The following PEBP4 variants were observed in gnomAD, a reference collection of about 807,000 sequenced individuals.
PEBP4 encodes the protein phosphatidylethanolamine-binding protein 4.
In PEBP4, 22 loss-of-function variants were observed where a neutral mutation model predicts 23.9. That is an observed-to-expected ratio of 0.92 (90% CI 0.66 to 1.31). The LOEUF (loss-of-function observed/expected upper bound fraction) is 1.31. Ranked by LOEUF, PEBP4 falls within the 40% of genes most tolerant of loss-of-function variation. The pLI is 0.00. For synonymous variants in PEBP4, 112 were observed against 99.3 expected (o/e 1.13, Z -0.76); for missense variants, 324 against 281.7 (o/e 1.15, Z -1.07).
At chr8:22,820,107 T>C (rs1806826391) in intron 3 of PEBP4, among the ~76,000 whole-genome samples, 1 of 152,122 alleles carries the variant, frequency 6.6e-6, no homozygotes, top group African/African-American at 2.4e-5. Context: ...TGCAAGATAA[T>C]TGGAAGGTGA....
intron 4 of PEBP4, among the ~76,000 whole-genome samples, chr8:22,771,706 C>T (rs1805720478): frequency 6.6e-6 from 1 of 152,150 alleles, no homozygotes; most frequent in South Asian, 2.1e-4. Context: ...AAGCTGCTTT[C>T]CATAAGACAT....
At chr8:22,761,021 G>C (rs981799059) in intron 4 of PEBP4, among the ~76,000 whole-genome samples, 1 of 152,160 alleles carries the variant, frequency 6.6e-6, no homozygotes, top group Non-Finnish European at 1.5e-5. Context: ...CAGAGGAAGC[G>C]AGCTCTAGGG....
chr8:22,854,851 C>T (rs1807607359), intron 3 of PEBP4, among the ~76,000 whole-genome samples: 1 of 152,000 alleles, frequency 6.6e-6, no homozygotes, highest in Admixed American at 6.6e-5. Context: ...TATTTGCTCC[C>T]TCCCCCTCCC....
chr8:22,794,502 C>T (rs1806203085), intron 4 of PEBP4, among the ~76,000 whole-genome samples: 1 of 152,188 alleles, frequency 6.6e-6, no homozygotes, highest in African/African-American at 2.4e-5. Flanking sequence ...CTACCCTGGT[C>T]TCGAATTCCT....
chr8:22,860,774 G>A (rs1208060489), intron 3 of PEBP4, among the ~76,000 whole-genome samples: 3 of 152,134 alleles, frequency 2.0e-5, no homozygotes, highest in Admixed American at 6.5e-5. Flanking sequence ...TAGGCAACAG[G>A]GACACAAGGA....
chr8:22,900,041 A>C (rs1808681208), intron 3 of PEBP4, among the ~76,000 whole-genome samples: 2 of 152,212 alleles, frequency 1.3e-5, no homozygotes, highest in Non-Finnish European at 2.9e-5. Context: ...ACCTCTGGCA[A>C]GAGCCTTATC....
At chr8:22,906,818 T>A (rs1808826348) in intron 3 of PEBP4, among the ~76,000 whole-genome samples, 1 of 152,230 alleles carries the variant, frequency 6.6e-6, no homozygotes. Context: ...AGACAAAGAT[T>A]CCTGCCCTCA....
intron 3 of PEBP4, among the ~76,000 whole-genome samples, chr8:22,882,317 C>T (rs1808276490): frequency 6.6e-6 from 1 of 152,244 alleles, no homozygotes; most frequent in Non-Finnish European, 1.5e-5. Context: ...GTCAACAGCA[C>T]CAGTGACCCA....
chr8:22,928,160 C>A (rs1027034500), upstream of PEBP4, among the ~76,000 whole-genome samples: 39 of 152,214 alleles, frequency 2.6e-4, 1 homozygote. Context: ...GCTGGTGACC[C>A]CAGGCTCAGG....
intron 4 of PEBP4, among the ~76,000 whole-genome samples, chr8:22,731,822 CTAATT>C (rs933876091): frequency 1.4e-5 from 2 of 141,400 alleles, no homozygotes; most frequent in African/African-American, 5.2e-5. Flanking sequence ...TGGCGCCCGG[CTAATT>C]TTTTTTTTTT....
intron 6 of PEBP4, among the ~76,000 whole-genome samples, chr8:22,716,128 G>A (rs958407198): frequency 1.3e-5 from 2 of 152,178 alleles, no homozygotes; most frequent in Non-Finnish European, 1.5e-5. Context: ...GGAGAAAGGA[G>A]GAGGAAGCTG....
intron 4 of PEBP4, among the ~76,000 whole-genome samples, chr8:22,796,396 GA>G (rs1354795353): frequency 6.6e-6 from 1 of 152,132 alleles, no homozygotes; most frequent in Non-Finnish European, 1.5e-5. Flanking sequence ...GCAGAGTGCT[GA>G]ACTCAGAAGG....
At chr8:22,880,228 C>G (rs1339398768) in intron 3 of PEBP4, among the ~76,000 whole-genome samples, 1 of 152,182 alleles carries the variant, frequency 6.6e-6, no homozygotes, top group Non-Finnish European at 1.5e-5. Flanking sequence ...GACAGCAGCC[C>G]TGAGTGGGCC....
intron 3 of PEBP4, among the ~76,000 whole-genome samples, chr8:22,860,148 TTA>T (rs1807736753): frequency 9.5e-6 from 1 of 105,334 alleles, no homozygotes; most frequent in African/African-American, 3.5e-5. Flanking sequence ...AGAAAAAAAA[TTA>T]TATATACACA....
chr8:22,713,335 G>A lies in PEBP4; in HGVS notation c.*35C>T. On this transcript the variant is annotated 3_prime_UTR_variant, in exon 7 of 7. Transcript: ENST00000256404. Reference sequence around the variant, plus strand: ...ATACCCACATCGTCGGTGGTGGGCAGTGTGGCCACATGCCCGGATGGCAAA... The same window carrying A: ...ATACCCACATCGTCGGTGGTGGGCAATGTGGCCACATGCCCGGATGGCAAA... The A allele has an allele frequency of 6.5e-7, 1 of 1,548,578 alleles. No homozygotes were observed. Among genetic ancestry groups the A allele is most frequent in the Non-Finnish European group, 8.7e-7 (1 of 1,148,768 alleles).
chr8:22,767,240 A>G (rs1185487769), intron 4 of PEBP4, among the ~76,000 whole-genome samples: 1 of 152,236 alleles, frequency 6.6e-6, no homozygotes, highest in Non-Finnish European at 1.5e-5. Flanking sequence ...TTTACTTCCC[A>G]AATCATACCA....
intron 3 of PEBP4, among the ~76,000 whole-genome samples, chr8:22,898,434 C>CAAAA (rs1554495562): frequency 7.9e-6 from 1 of 126,472 alleles, no homozygotes; most frequent in African/African-American, 2.9e-5. Context: ...AAAAAAAACC[C>CAAAA]ACCCAGTCTA....
intron 3 of PEBP4, among the ~76,000 whole-genome samples, chr8:22,880,884 C>T (rs1343329929): frequency 5.3e-5 from 8 of 152,202 alleles, no homozygotes; most frequent in Admixed American, 3.9e-4. Flanking sequence ...ATGCAGTCCC[C>T]AAAGAAGGGG....
intron 3 of PEBP4, among the ~76,000 whole-genome samples, chr8:22,861,409 C>T (rs1002667601): frequency 2.6e-5 from 4 of 152,146 alleles, no homozygotes; most frequent in East Asian, 1.9e-4. Context: ...AAATAAATAT[C>T]GACTACTATC....
Sources: allele counts gnomAD v4.1 joint callset (sites outside exome capture counted in the v4.1 genomes callset), GRCh38; gene constraint gnomAD v4.1.1; transcripts MANE v1.5; gene names NCBI Gene and HGNC (gene_info 2026-07-23, HGNC 2026-07-21).